The following HSP90AB1 variants were observed in gnomAD, a reference collection of about 807,000 sequenced individuals.
HSP90AB1 encodes the protein heat shock protein HSP 90-beta.
A neutral mutation model predicts 67.8 loss-of-function variants in HSP90AB1; 17 were observed. The ratio of observed to expected loss-of-function variants is 0.25; its 90% CI spans 0.17 to 0.38. The LOEUF (loss-of-function observed/expected upper bound fraction) is 0.38, where lower values mean the gene tolerates loss of function less well. Ranked by LOEUF, HSP90AB1 falls within the 10% of genes least tolerant of loss-of-function variation. The probability of loss-of-function intolerance (pLI) is 1.00; values close to 1 mark genes in which losing one functional copy is unlikely to be tolerated. For synonymous variants in HSP90AB1, 390 were observed against 312.9 expected (o/e 1.25, Z -2.60); for missense variants, 690 against 899.9 (o/e 0.77, Z 2.98).
intron 9 of HSP90AB1, 28 bp from the exon 10 acceptor site, chr6:44,251,971 T>A: frequency 6.2e-7 from 1 of 1,613,852 alleles, no homozygotes; most frequent in Non-Finnish European, 8.5e-7. Flanking sequence ...GGCATTTTAG[T>A]CACTGAGTTC....
chr6:44,251,596 T>C lies in HSP90AB1; in HGVS notation c.1302T>C (p.Ser434=). The change falls in exon 8 of 12, where the codon TCT becomes TCC. Residue 434 remains serine, a synonymous_variant. Coordinates refer to ENST00000371646, the MANE Select transcript of HSP90AB1 (RefSeq NM_007355.4). ...ENYKKFYEAF[S]KNLKLGIHED... is the part of the protein sequence containing the mutation. ...ACAAGAAATTCTATGAGGCATTCTCTAAAAATCTCAAGGTAAAAAGGCAAA... is the reference window on the plus strand; with the variant it reads ...ACAAGAAATTCTATGAGGCATTCTCCAAAAATCTCAAGGTAAAAAGGCAAA... The C allele has an allele frequency of 6.2e-7, 1 of 1,602,556 alleles. No individual in the cohort carries two copies. The highest frequency in any genetic ancestry group is 8.5e-7 in the Non-Finnish European group (1 of 1,172,838).
At chr6:44,246,778 C>G (rs1415692745), upstream of HSP90AB1, among the ~76,000 whole-genome samples, 2 of 152,164 alleles carry the variant, frequency 1.3e-5, no homozygotes, top group Admixed American at 6.5e-5. Flanking sequence ...GGACGCCTGC[C>G]CCACAAGTGT....
chr6:44,250,782 C>T (rs975725882), intron 6 of HSP90AB1, among the ~76,000 whole-genome samples, 183 bp downstream of exon 6: 5 of 152,184 alleles, frequency 3.3e-5, no homozygotes, highest in Admixed American at 2.6e-4. Context: ...AATGACCTCA[C>T]TTTCTCTTCT....
Position 44,253,307 on chromosome 6 carries a change from C to T in HSP90AB1, c.1994C>T (p.Ser665Phe). Residue 665 changes from serine (S) to phenylalanine (F), a missense_variant, in exon 11 of 12, where the codon TCT becomes TTT. By Grantham distance (155) the Ser-to-Phe change is radical. Around this residue, in one of 7 missense-constraint regions of HSP90AB1, gnomAD observed 120 missense variants for 153.5 expected, o/e 0.78. Coordinates refer to ENST00000371646, the MANE Select transcript of HSP90AB1 (RefSeq NM_007355.4). ...VVLLFETALL[S>F]SGFSLEDPQT... is the part of the protein sequence containing the mutation. ...CTGCTGTTTGAAACCGCCCTGCTAT[C>T]TTCTGGCTTTTCCCTTGAGGATCCC... The T allele has an allele frequency of 6.2e-7, 1 of 1,614,248 alleles. No individual in the cohort carries two copies.
intron 8 of HSP90AB1, 39 bp downstream of exon 8, chr6:44,251,647 C>G (rs772288664): frequency 2.2e-5 from 35 of 1,586,610 alleles, no homozygotes; most frequent in Non-Finnish European, 2.4e-5. Flanking sequence ...TTACCACTTT[C>G]TTAGTAATAA....
rs963810492 is a variant in HSP90AB1 at position 44,250,954 on chromosome 6, T to C, written c.958-94T>C. The C allele has an allele frequency of 8.6e-5, 97 of 1,125,700 alleles. 1 individual carries two copies. Among genetic ancestry groups the C allele is most frequent in the African/African-American group, 1.5e-5 (1 of 65,152 alleles). The allele number at this position is 1,125,700 out of a possible 1,614,324, so 69.7% of individuals were successfully genotyped here. A position where few individuals can be genotyped will look rare whatever the true frequency, so the allele number is the denominator to read the frequency against. ...GTTGTGTGTGCTCTATCCCTTAGGC[T>C]TAGGGAGGATCATTGTTCCACTTTT... On this transcript the variant is annotated intron_variant, in intron 6 of 11. Coordinates refer to ENST00000371646, the MANE Select transcript of HSP90AB1 (RefSeq NM_007355.4).
Position 44,249,776 on chromosome 6 carries a change from T to A in HSP90AB1, c.456T>A (p.Asp152Glu). 5.6e-6 allele frequency: 9 copies of A among 1,614,046 alleles called. No individual in the cohort carries two copies. Among genetic ancestry groups the A allele is most frequent in the Non-Finnish European group, 7.6e-6 (9 of 1,179,974 alleles). The stretch of plus-strand genomic sequence containing the variant: ...TTGTGATCACAAAGCACAACGATGA[T>A]GAACAGTATGCTTGGGAGTCTTCTG... Reference protein sequence around the residue: ...KVVVITKHNDDEQYAWESSAG... With the variant: ...KVVVITKHNDEEQYAWESSAG... Residue 152 changes from aspartate to glutamate, a missense_variant, in exon 4 of 12, where the codon GAT (aspartate) becomes GAA (glutamate). Physicochemically the swap from Asp to Glu is conservative, Grantham distance 45. Coordinates refer to ENST00000371646, the MANE Select transcript of HSP90AB1 (RefSeq NM_007355.4).
In HSP90AB1 at chr6:44,248,728, T is replaced by C. The variant is rs904273402; in HGVS notation, c.99T>C (p.Tyr33=). 1.2e-6 allele frequency: 2 copies of C among 1,614,012 alleles called. No individual in the cohort carries two copies. Among genetic ancestry groups the C allele is most frequent in the Non-Finnish European group, 1.7e-6 (2 of 1,179,838 alleles). Residue 33 remains tyrosine, a synonymous_variant, in exon 2 of 12, where the codon TAT becomes TAC. Coordinates refer to ENST00000371646, the MANE Select transcript of HSP90AB1 (RefSeq NM_007355.4). Reference sequence around the variant, plus strand: ...TGTCCCTCATCATCAATACCTTCTATTCCAACAAGGAGATTTTCCTTCGGG... The same window carrying C: ...TGTCCCTCATCATCAATACCTTCTACTCCAACAAGGAGATTTTCCTTCGGG... ...QLMSLIINTF[Y]SNKEIFLREL...
Position 44,253,677 on chromosome 6 carries a change from G to C in HSP90AB1, c.*79G>C, listed in dbSNP as rs1410533376. 1 of 1,027,686 alleles carries C rather than the reference G, an allele frequency of 9.7e-7. No individual in the cohort carries two copies. Among genetic ancestry groups the C allele is most frequent in the Non-Finnish European group, 1.6e-6 (1 of 644,790 alleles). 63.7% of individuals were successfully genotyped at this position (1,027,686 alleles called of 1,614,324 possible). The stretch of plus-strand genomic sequence containing the variant: ...TCCCACTGCAGCCTCGAGTGCCCCT[G>C]TCCCACCTGGCTCCCCCTGCTGGTG... On this transcript the variant is annotated 3_prime_UTR_variant, in exon 12 of 12. Coordinates refer to ENST00000371646, the MANE Select transcript of HSP90AB1 (RefSeq NM_007355.4).
At position 44,250,975 on chromosome 6, in the gene HSP90AB1, CTTTTAGATAATT is replaced by C. The variant is rs1780573453; in HGVS notation, c.958-71_958-60del. On this transcript the variant is annotated intron_variant, in intron 6 of 11. Transcript: ENST00000371646. The stretch of plus-strand genomic sequence containing the variant: ...AGGCTTAGGGAGGATCATTGTTCCA[CTTTTAGATAATT>C]TGGTGTTGGGGCTAAAAGGTCCTCT... 13 of 1,320,898 alleles carry C rather than the reference CTTTTAGATAATT, an allele frequency of 9.8e-6. No homozygotes were observed. The South Asian group carries it at 1.5e-4, about 16-fold the overall frequency. 81.8% of individuals were successfully genotyped at this position (1,320,898 alleles called of 1,614,324 possible).
At chr6:44,249,899 A>G in intron 4 of HSP90AB1, 65 bp downstream of exon 4, 1 of 1,588,322 alleles carries the variant, frequency 6.3e-7, no homozygotes, top group African/African-American at 1.3e-5. Context: ...CCAGTAGCAG[A>G]AATTTTGGGC....
intron 1 of HSP90AB1, chr6:44,247,799 C>T (rs1015699633): frequency 2.0e-5 from 3 of 152,246 alleles, no homozygotes; most frequent in Admixed American, 6.5e-5. Flanking sequence ...TCATGGGCTC[C>T]TTCCTCCGCC....
Position 44,251,862 on chromosome 6 carries a change from G to C in HSP90AB1, c.1440G>C (p.Gln480His). 1 of 1,613,094 alleles carries C rather than the reference G, an allele frequency of 6.2e-7. No individual in the cohort carries two copies. The highest frequency in any genetic ancestry group is 8.5e-7 in the Non-Finnish European group (1 of 1,180,040). Reference protein sequence around the residue: ...SEYVSRMKETQKSIYYITGES... With the variant: ...SEYVSRMKETHKSIYYITGES... ...ATGTTTCTCGCATGAAGGAGACACA[G>C]AAGTCCATCTATTACATCACTGGTG... The change falls in exon 9 of 12, where the codon CAG becomes CAC. Residue 480 changes from glutamine to histidine, a missense_variant. Physicochemically the swap from Gln to His is conservative, Grantham distance 24. Around this residue, in one of 7 missense-constraint regions of HSP90AB1, gnomAD observed 206 missense variants for 221.4 expected, o/e 0.93. Transcript: ENST00000371646.
chr6:44,246,720 G>A (rs1779943039), upstream of HSP90AB1, among the ~76,000 whole-genome samples: 1 of 152,100 alleles, frequency 6.6e-6, no homozygotes, highest in Non-Finnish European at 1.5e-5. Context: ...GTGGTTAGCT[G>A]CCTCCGCTCT....
At chr6:44,252,505 TC>T (rs1378609143) in intron 10 of HSP90AB1, among the ~76,000 whole-genome samples, 6 of 151,856 alleles carry the variant, frequency 4.0e-5, no homozygotes, top group Non-Finnish European at 8.8e-5. Context: ...CTTTTTTTTT[TC>T]TTTTTTTGAG....
In HSP90AB1 at chr6:44,250,676, T is replaced by TA; in HGVS notation, c.957+78dup. 4.9e-6 allele frequency: 4 copies of TA among 809,216 alleles called. No homozygotes were observed. In the South Asian group the frequency reaches 6.5e-5, roughly 13 times the overall value. 50.1% of individuals were successfully genotyped at this position (809,216 alleles called of 1,614,324 possible). On this transcript the variant is annotated intron_variant, in intron 6 of 11. Transcript: ENST00000371646. ...AGTTAGGTGGAAGAGTGTTGGGTAA[T>TA]AGACACACGGAACTTGTCCAACTGA... is the stretch of plus-strand genomic sequence containing the variant.
At chr6:44,249,230 T>C (rs1206849043) in intron 2 of HSP90AB1, 147 bp from the exon 3 acceptor site, 2 of 648,642 alleles carry the variant, frequency 3.1e-6, no homozygotes, top group African/African-American at 1.8e-5. Context: ...CCCAGCTACT[T>C]GGGAAGCTGG....
In HSP90AB1 at chr6:44,251,755, T is replaced by G; in HGVS notation, c.1333T>G (p.Ser445Ala). The change falls in exon 9 of 12, where the codon TCC (serine) becomes GCC (alanine). Residue 445 changes from serine (S) to alanine (A), a missense_variant. Transcript: ENST00000371646. ...CTTCAAGCTTGGAATCCACGAAGAC[T>G]CCACTAACCGCCGCCGCCTGTCTGA... The part of the protein sequence containing the change: ...KNLKLGIHED[S>A]TNRRRLSELL... 1 of 1,613,724 alleles carries G rather than the reference T, an allele frequency of 6.2e-7. No homozygotes were observed. Among genetic ancestry groups the G allele is most frequent in the South Asian group, 1.1e-5 (1 of 91,022 alleles).
At chr6:44,253,003 A>G (rs1391366496) in intron 10 of HSP90AB1, 42 bp from the exon 11 acceptor site, 1 of 1,528,794 alleles carries the variant, frequency 6.5e-7, no homozygotes, top group South Asian at 1.1e-5. Flanking sequence ...TTTCTCTTTC[A>G]AAGTGGTAAT....
Sources: allele counts gnomAD v4.1 joint callset (sites outside exome capture counted in the v4.1 genomes callset), GRCh38; gene constraint gnomAD v4.1.1; regional missense constraint gnomAD v4.1.1; transcripts MANE v1.5; gene names NCBI Gene and HGNC (gene_info 2026-07-23, HGNC 2026-07-21).